Variants in SLC5A11 observed in about 807,000 individuals in gnomAD.
SLC5A11 encodes solute carrier family 5 member 11, also known as sodium/myo-inositol cotransporter 2.
A neutral mutation model predicts 69.8 loss-of-function variants in SLC5A11; 48 were observed. The ratio of observed to expected loss-of-function variants is 0.69; its 90% CI spans 0.55 to 0.87. The LOEUF is 0.87. Ranked by LOEUF, SLC5A11 falls within the 40% of genes least tolerant of loss-of-function variation. SLC5A11 has a pLI of 0.00. For missense variants in SLC5A11, 784 were observed against 866.1 expected, an observed-to-expected ratio of 0.91 and a Z score of 1.19; for synonymous variants, 319 against 342.4, an observed-to-expected ratio of 0.93 and a Z score of 0.75.
chr16:24,885,562 G>A (rs985302685), intron 8 of SLC5A11, among the ~76,000 whole-genome samples: 11 of 149,988 alleles, frequency 7.3e-5, no homozygotes, highest in Admixed American at 2.7e-4. Context: ...GTGGGAGGAT[G>A]GCTTGAGCCT....
intron 3 of SLC5A11, among the ~76,000 whole-genome samples, chr16:24,869,024 C>T (rs997462607): frequency 7.9e-5 from 12 of 152,014 alleles, no homozygotes; most frequent in Admixed American, 2.0e-4. Context: ...TGTGTCACCA[C>T]GCTCAGCTAA....
At chr16:24,890,078 A>G (rs952376857) in intron 8 of SLC5A11, among the ~76,000 whole-genome samples, 14 of 152,186 alleles carry the variant, frequency 9.2e-5, no homozygotes, top group Non-Finnish European at 2.9e-5. Context: ...ATTAGCACAC[A>G]CAGGGGAGAA....
chr16:24,880,188 T>C (rs2047946667), intron 7 of SLC5A11, among the ~76,000 whole-genome samples: 1 of 152,068 alleles, frequency 6.6e-6, no homozygotes, highest in African/African-American at 2.4e-5. Context: ...AGAGGTTTAA[T>C]TGACTCACAG....
At chr16:24,854,430 GT>G (rs11289560) in intron 1 of SLC5A11, among the ~76,000 whole-genome samples, 11,817 of 147,494 alleles carry the variant, frequency 0.08, 1,343 homozygotes, top group African/African-American at 0.26. Context: ...GTAAAGTAAA[GT>G]TTTTTTTTTT....
At position 24,911,300 on chromosome 16, in the gene SLC5A11, C is replaced by T. The variant is rs754374040; in HGVS notation, c.1823-28C>T. 5.0e-6 allele frequency: 8 copies of T among 1,610,522 alleles called. No individual in the cohort carries two copies. In the East Asian group the frequency reaches 6.7e-5, roughly 13 times the overall value. Reference sequence around the variant, plus strand: ...CTCTGGGAGATACAGACCACCTCTACGGTCTTCCTTTGCTGGGTTCTTTCT... The same window carrying T: ...CTCTGGGAGATACAGACCACCTCTATGGTCTTCCTTTGCTGGGTTCTTTCT... On this transcript the variant is annotated intron_variant, in intron 15 of 15. Transcript: ENST00000347898.
exon 15 of SLC5A11, chr16:24,910,377 C>T (rs1439155658): frequency 6.2e-7 from 1 of 1,614,124 alleles, no homozygotes; most frequent in East Asian, 2.2e-5. Flanking sequence ...CAGCAGCTCC[C>T]TTGTCTCTTA....
At chr16:24,894,859 C>G (rs1010823440) in intron 9 of SLC5A11, among the ~76,000 whole-genome samples, 4 of 152,056 alleles carry the variant, frequency 2.6e-5, no homozygotes, top group Admixed American at 6.6e-5. Flanking sequence ...GTGGCTCACA[C>G]CTGTAATCCC....
chr16:24,884,091 G>A (rs925120602), exon 8 of SLC5A11: 8 of 1,614,038 alleles, frequency 5.0e-6, no homozygotes, highest in Non-Finnish European at 6.8e-6. Context: ...CCCTGCAGAC[G>A]CTGATCATGC....
chr16:24,851,769 G>A (rs146129271), intron 1 of SLC5A11, among the ~76,000 whole-genome samples: 1 of 152,296 alleles, frequency 6.6e-6, no homozygotes, highest in Non-Finnish European at 1.5e-5. Flanking sequence ...GGGAAATTGA[G>A]CCTCAGAGAG....
intron 2 of SLC5A11, among the ~76,000 whole-genome samples, chr16:24,859,484 A>G (rs2059672360): frequency 6.6e-6 from 1 of 152,128 alleles, no homozygotes; most frequent in African/African-American, 2.4e-5. Context: ...CATGGCTCAC[A>G]AATAAAAATC....
chr16:24,883,915 A>G, intron 7 of SLC5A11, 136 bp from the exon 9 acceptor site: 1 of 714,474 alleles, frequency 1.4e-6, no homozygotes, highest in Non-Finnish European at 2.4e-6. Flanking sequence ...GGGAGGAGTG[A>G]TCGTGGCCAT....
At chr16:24,849,481 C>T (rs537377592) in intron 1 of SLC5A11, among the ~76,000 whole-genome samples, 6 of 148,530 alleles carry the variant, frequency 4.0e-5, no homozygotes, top group South Asian at 2.2e-4. Context: ...GCGGGAGAAT[C>T]GCTTGAACCC....
chr16:24,868,316 T>C (rs961182329), intron 3 of SLC5A11, among the ~76,000 whole-genome samples: 3 of 145,734 alleles, frequency 2.1e-5, no homozygotes, highest in South Asian at 2.2e-4. Context: ...AGAGGCCAGG[T>C]GTGGTGGCTC....
chr16:24,876,429 C>T (rs1447899952), intron 6 of SLC5A11, among the ~76,000 whole-genome samples: 5 of 152,068 alleles, frequency 3.3e-5, no homozygotes, highest in African/African-American at 1.2e-4. Flanking sequence ...ATTGCGCTGC[C>T]CCACCCTGAC....
At chr16:24,847,160 TTTC>T (rs944754591) in intron 1 of SLC5A11, among the ~76,000 whole-genome samples, 15 of 152,202 alleles carry the variant, frequency 9.9e-5, no homozygotes, top group African/African-American at 3.6e-4. Flanking sequence ...TTTCTTTTCC[TTTC>T]TTTTCTTTGT....
At chr16:24,849,593 A>AAAAAAAAAAATATATATATATAT in intron 1 of SLC5A11, among the ~76,000 whole-genome samples, 3 of 35,910 alleles carry the variant, frequency 8.4e-5, no homozygotes, top group Admixed American at 3.8e-4. Context: ...AAAAAAAAAA[A>AAAAAAAAAAATATATATATATAT]ATATATATAT....
intron 11 of SLC5A11, 104 bp from the exon 13 acceptor site, chr16:24,906,921 C>A: frequency 2.7e-6 from 4 of 1,501,550 alleles, no homozygotes; most frequent in Non-Finnish European, 3.6e-6. Flanking sequence ...GGAAGCTCTG[C>A]CCCGCCGTCC....
At chr16:24,856,256 G>A (rs183259592) in intron 1 of SLC5A11, among the ~76,000 whole-genome samples, 504 of 151,396 alleles carry the variant, frequency 3.3e-3, no homozygotes, top group Admixed American at 5.6e-3. Context: ...CATTCATGTG[G>A]GCGAAAATCC....
intron 10 of SLC5A11, 24 bp downstream of exon 11, chr16:24,898,133 G>A: frequency 6.2e-7 from 1 of 1,611,624 alleles, no homozygotes; most frequent in South Asian, 1.1e-5. Flanking sequence ...TGGGGGAAGA[G>A]GTCATTGGTA....
Sources: allele counts gnomAD v4.1 joint callset (sites outside exome capture counted in the v4.1 genomes callset), GRCh38; gene constraint gnomAD v4.1.1; transcripts MANE v1.5; gene names NCBI Gene and HGNC (gene_info 2026-07-23, HGNC 2026-07-21).